Variants in MAGI2 observed in about 807,000 individuals in gnomAD.
MAGI2 encodes the protein membrane-associated guanylate kinase, WW and PDZ domain-containing protein 2.
Under a neutral mutation model 133.3 loss-of-function variants are expected in MAGI2, and 35 were observed. The observed-to-expected ratio is 0.26, with a 90% CI of 0.20 to 0.35. The LOEUF is 0.35. MAGI2 is among the 10% of genes least tolerant of loss of function. The pLI is 1.00. For missense variants in MAGI2, 1,636 were observed against 1,863.4 expected (o/e 0.88, Z 2.25); for synonymous variants, 729 against 710.6 (o/e 1.03, Z -0.41).
intron 3 of MAGI2, among the ~76,000 whole-genome samples, chr7:78,543,077 A>G (rs1377339803): frequency 6.6e-6 from 1 of 152,196 alleles, no homozygotes; most frequent in East Asian, 1.9e-4. Flanking sequence ...AACCAATTCA[A>G]CTAGAGACTC....
At chr7:79,006,110 A>C (rs1231487005) in intron 2 of MAGI2, among the ~76,000 whole-genome samples, 2 of 152,126 alleles carry the variant, frequency 1.3e-5, no homozygotes, top group African/African-American at 4.8e-5. Flanking sequence ...ATTTCAGTAT[A>C]ATTATCCAGT....
At chr7:78,495,344 T>C (rs555716789) in intron 5 of MAGI2, among the ~76,000 whole-genome samples, 2 of 152,270 alleles carry the variant, frequency 1.3e-5, no homozygotes, top group African/African-American at 4.8e-5. Context: ...CTCCTGCTTA[T>C]GAGTGAGAAC....
chr7:79,176,221 T>A lies in MAGI2; in HGVS notation c.302-169015A>T, dbSNP rs75077237. On this transcript the variant is annotated intron_variant, in intron 1 of 21. Transcript: ENST00000354212. ...TACCTTTAAGGAAGGACCTGCTGCCTCGTCAGGATTGCCCCAGCTGCCTTG... is the reference window on the plus strand; with the variant it reads ...TACCTTTAAGGAAGGACCTGCTGCCACGTCAGGATTGCCCCAGCTGCCTTG... Among the ~76,000 whole-genome samples the A allele has an allele frequency of 9.8e-3, 1,489 of 152,044 alleles. 46 individuals are homozygous for A. Among genetic ancestry groups the A allele is most frequent in the African/African-American group, 0.034 (1,388 of 41,394 alleles).
chr7:79,119,098 T>C (rs1028184797), intron 1 of MAGI2, among the ~76,000 whole-genome samples: 1 of 152,110 alleles, frequency 6.6e-6, no homozygotes, highest in Non-Finnish European at 1.5e-5. Flanking sequence ...AATATATAGA[T>C]TCACTGTGCA....
At chr7:78,094,364 T>A (rs78360444) in intron 20 of MAGI2, among the ~76,000 whole-genome samples, 18,287 of 152,238 alleles carry the variant, frequency 0.12, 1,351 homozygotes, top group South Asian at 0.19. Context: ...AATCTTTGGA[T>A]ATCTTTCAGT....
intron 2 of MAGI2, among the ~76,000 whole-genome samples, chr7:78,703,887 ATTAG>A (rs1818333851): frequency 6.7e-6 from 1 of 149,638 alleles, no homozygotes; most frequent in Non-Finnish European, 1.5e-5. Context: ...GAGGAACAAA[ATTAG>A]TTAATTAAAG....
intron 9 of MAGI2, among the ~76,000 whole-genome samples, chr7:78,336,949 A>G (rs1789838130): frequency 6.6e-6 from 1 of 152,162 alleles, no homozygotes; most frequent in African/African-American, 2.4e-5. Context: ...ACCCCTGCCT[A>G]TGGAAGCACT....
At chr7:79,384,908 T>G (rs969193240) in intron 1 of MAGI2, among the ~76,000 whole-genome samples, 1 of 151,770 alleles carries the variant, frequency 6.6e-6, no homozygotes, top group African/African-American at 2.4e-5. Context: ...CACAAATATC[T>G]TAGCAGTATA....
intron 1 of MAGI2, among the ~76,000 whole-genome samples, chr7:79,294,753 G>GGAATC (rs1240229509): frequency 9.8e-6 from 1 of 101,878 alleles, no homozygotes; most frequent in Admixed American, 1.6e-4. Flanking sequence ...TTTCTGAGAC[G>GGAATC]GAATCTCACT....
intron 1 of MAGI2, among the ~76,000 whole-genome samples, chr7:79,211,542 C>G (rs921193476): frequency 1.3e-5 from 2 of 151,764 alleles, no homozygotes; most frequent in African/African-American, 4.9e-5. Context: ...AATCCTCTCA[C>G]CTTGGCCTCC....
chr7:78,945,764 T>A (rs1382026177), intron 2 of MAGI2, among the ~76,000 whole-genome samples: 1 of 152,164 alleles, frequency 6.6e-6, no homozygotes, highest in Non-Finnish European at 1.5e-5. Flanking sequence ...AACCTCTACA[T>A]CTTTGCACAT....
intron 21 of MAGI2, among the ~76,000 whole-genome samples, chr7:78,061,311 G>A (rs912796842): frequency 6.6e-6 from 1 of 151,680 alleles, no homozygotes; most frequent in African/African-American, 2.4e-5. Context: ...TGTCTAATCC[G>A]GGGGAGTGGG....
chr7:78,859,106 A>C (rs2151496108), intron 2 of MAGI2, among the ~76,000 whole-genome samples: 1 of 151,640 alleles, frequency 6.6e-6, no homozygotes, highest in Admixed American at 6.6e-5. Context: ...ATCTTCCTCC[A>C]TCCCTTTATT....
intron 6 of MAGI2, chr7:78,487,259 G>A (rs1326500529): frequency 5.1e-6 from 1 of 196,784 alleles, no homozygotes; most frequent in Non-Finnish European, 1.0e-5. Flanking sequence ...ACTGGGCTTT[G>A]GAAAATCAAG....
chr7:78,362,628 G>A (rs1056393162), intron 7 of MAGI2, among the ~76,000 whole-genome samples: 5 of 152,240 alleles, frequency 3.3e-5, no homozygotes, highest in Admixed American at 2.6e-4. Context: ...CTAGAAGGAC[G>A]TAAAACGTTA....
chr7:78,998,807 A>G (rs189926442), intron 2 of MAGI2, among the ~76,000 whole-genome samples: 2 of 152,276 alleles, frequency 1.3e-5, no homozygotes, highest in Admixed American at 6.5e-5. Context: ...TAATCATCTA[A>G]TAGCTAAGAC....
intron 15 of MAGI2, among the ~76,000 whole-genome samples, chr7:78,166,629 AG>A (rs1335074328): frequency 6.6e-6 from 1 of 152,150 alleles, no homozygotes; most frequent in African/African-American, 2.4e-5. Flanking sequence ...TCTAGTTTCT[AG>A]GGGGACTTAG....
At chr7:79,304,180 G>GGTGTGTGT (rs1837586453) in intron 1 of MAGI2, among the ~76,000 whole-genome samples, 1 of 11,114 alleles carries the variant, frequency 9.0e-5, no homozygotes, top group Non-Finnish European at 2.0e-4. Context: ...TTTCAACTGG[G>GGTGTGTGT]ATGTGTGTGT....
intron 1 of MAGI2, among the ~76,000 whole-genome samples, chr7:79,080,590 T>C (rs1293211517): frequency 1.3e-5 from 2 of 152,148 alleles, no homozygotes; most frequent in Non-Finnish European, 2.9e-5. Context: ...CTGTGCAATA[T>C]GCCTCATTAT....
Sources: allele counts gnomAD v4.1 joint callset (sites outside exome capture counted in the v4.1 genomes callset), GRCh38; gene constraint gnomAD v4.1.1; transcripts MANE v1.5; gene names NCBI Gene and HGNC (gene_info 2026-07-23, HGNC 2026-07-21).